ZNRF1: variants seen among roughly 807,000 people sequenced by gnomAD.
ZNRF1 encodes the protein E3 ubiquitin-protein ligase ZNRF1.
ZNRF1 carries 3 observed loss-of-function variants against 18.4 expected under a neutral mutation model. The ratio of observed to expected loss-of-function variants is 0.16; its 90% confidence interval spans 0.07 to 0.42. The LOEUF is 0.42. Ranked by LOEUF, ZNRF1 falls within the 10% of genes least tolerant of loss-of-function variation. The pLI is 0.99. For synonymous variants in ZNRF1, 157 were observed against 144.2 expected (o/e 1.09, Z -0.64); for missense variants, 310 against 329.8 (o/e 0.94, Z 0.47).
At chr16:75,093,760 G>A in intron 2 of ZNRF1, 93 bp downstream of exon 2, 1 of 1,018,234 alleles carries the variant, frequency 9.8e-7, no homozygotes, top group East Asian at 2.5e-5. Context: ...GTGGTTCTGG[G>A]CAGTATTTTC....
At chr16:75,096,604 C>T (rs867106932) in intron 2 of ZNRF1, among the ~76,000 whole-genome samples, 2 of 152,112 alleles carry the variant, frequency 1.3e-5, no homozygotes, top group African/African-American at 4.8e-5. Flanking sequence ...TATGAAGATT[C>T]ACTAGAACTC....
chr16:75,066,054 C>A (rs1412915966), intron 1 of ZNRF1, among the ~76,000 whole-genome samples: 1 of 152,208 alleles, frequency 6.6e-6, no homozygotes, highest in Non-Finnish European at 1.5e-5. Flanking sequence ...CAGAAGGCAT[C>A]TTTGCAGCTA....
intron 1 of ZNRF1, among the ~76,000 whole-genome samples, chr16:75,000,602 C>T (rs543943504): frequency 6.6e-6 from 1 of 152,304 alleles, no homozygotes; most frequent in African/African-American, 2.4e-5. Context: ...GTTTTGCCAC[C>T]CTGCTGGAGA....
chr16:75,095,894 A>G, intron 2 of ZNRF1: 1 of 763,940 alleles, frequency 1.3e-6, no homozygotes, highest in South Asian at 4.0e-5. Context: ...ACCCAAGACT[A>G]CAGAAACCAC....
rs142283044 is a variant in ZNRF1, at chr16:74,999,989, G to C, written c.318G>C (p.Thr106=). 1 of 1,585,632 alleles carries C rather than the reference G, an allele frequency of 6.3e-7. No individual in the cohort carries two copies. Among genetic ancestry groups the C allele is most frequent in the Non-Finnish European group, 8.6e-7 (1 of 1,167,052 alleles). ...TYAHGNGYQE[T]GGGHHRDGML... ...CCCATGGCAATGGTTACCAGGAGACGGGCGGCGGTCACCATAGAGACGGGA... is the reference window on the plus strand; with the variant it reads ...CCCATGGCAATGGTTACCAGGAGACCGGCGGCGGTCACCATAGAGACGGGA... Residue 106 remains threonine (T), a synonymous_variant, in exon 1 of 5, where the codon ACG becomes ACC. Transcript: ENST00000335325.
chr16:75,047,310 C>T (rs1232603802), intron 1 of ZNRF1, among the ~76,000 whole-genome samples: 1 of 152,122 alleles, frequency 6.6e-6, no homozygotes, highest in Non-Finnish European at 1.5e-5. Flanking sequence ...GTAGTTAGGA[C>T]TACAGGTGCA....
chr16:75,090,392 C>G (rs565112295), intron 1 of ZNRF1, among the ~76,000 whole-genome samples: 1 of 152,084 alleles, frequency 6.6e-6, no homozygotes, highest in Non-Finnish European at 1.5e-5. Flanking sequence ...TTGTTGTGTC[C>G]TTTTTGTGGA....
intron 2 of ZNRF1, among the ~76,000 whole-genome samples, chr16:75,095,921 C>G (rs2036192573): frequency 6.6e-6 from 1 of 152,184 alleles, no homozygotes; most frequent in Admixed American, 6.5e-5. Flanking sequence ...AGCCGGGCCC[C>G]CCTTAGAGGA....
At chr16:75,041,826 A>T (rs1179004756) in intron 1 of ZNRF1, among the ~76,000 whole-genome samples, 2 of 150,092 alleles carry the variant, frequency 1.3e-5, no homozygotes, top group East Asian at 2.0e-4. Flanking sequence ...CTACTAAAAA[A>T]AAAAATATAT....
chr16:75,094,953 C>T (rs2036180646), intron 2 of ZNRF1, among the ~76,000 whole-genome samples: 1 of 152,138 alleles, frequency 6.6e-6, no homozygotes, highest in Admixed American at 6.5e-5. Flanking sequence ...ATCACGCAAC[C>T]AGCCCAGCGA....
chr16:75,104,992 C>T (rs1426940202), intron 3 of ZNRF1, 103 bp downstream of exon 3: 4 of 961,330 alleles, frequency 4.2e-6, no homozygotes, highest in Non-Finnish European at 6.3e-6. Flanking sequence ...TGACCTCTCC[C>T]CCGACCTCTG....
chr16:75,042,496 A>C (rs984396905), intron 1 of ZNRF1, among the ~76,000 whole-genome samples: 1 of 131,656 alleles, frequency 7.6e-6, no homozygotes, highest in Non-Finnish European at 1.6e-5. Flanking sequence ...TAGCAACATC[A>C]TTTGTTGAAA....
At chr16:75,047,901 G>T (rs2035537016) in intron 1 of ZNRF1, among the ~76,000 whole-genome samples, 1 of 151,820 alleles carries the variant, frequency 6.6e-6, no homozygotes, top group East Asian at 1.9e-4. Flanking sequence ...GGTCTTCTCC[G>T]CTTCTCCGTG....
chr16:75,088,157 C>G (rs1403842652), intron 1 of ZNRF1, among the ~76,000 whole-genome samples: 1 of 152,160 alleles, frequency 6.6e-6, no homozygotes, highest in Non-Finnish European at 1.5e-5. Flanking sequence ...TCAGGTAGTT[C>G]ATAAATATCA....
At chr16:75,087,859 G>A (rs1421513760) in intron 1 of ZNRF1, among the ~76,000 whole-genome samples, 1 of 152,246 alleles carries the variant, frequency 6.6e-6, no homozygotes, top group Non-Finnish European at 1.5e-5. Context: ...GGCAGACACA[G>A]CCCATGTGCA....
chr16:75,104,151 G>C (rs2036286008), intron 2 of ZNRF1: 1 of 152,332 alleles, frequency 6.6e-6, no homozygotes. Flanking sequence ...CTTTTACTTT[G>C]TGTAGTATTT....
chr16:75,050,695 C>T (rs1193522435), intron 1 of ZNRF1, among the ~76,000 whole-genome samples: 1 of 150,974 alleles, frequency 6.6e-6, no homozygotes, highest in Non-Finnish European at 1.5e-5. Flanking sequence ...GGTGAAACAC[C>T]GTCTCTACTA....
chr16:75,103,010 G>C (rs1020193541), intron 2 of ZNRF1, among the ~76,000 whole-genome samples: 1 of 152,142 alleles, frequency 6.6e-6, no homozygotes, highest in African/African-American at 2.4e-5. Context: ...AACCTTCCCA[G>C]ATCAGCCCCC....
At chr16:75,076,694 C>T (rs961212122) in intron 1 of ZNRF1, among the ~76,000 whole-genome samples, 4 of 148,788 alleles carry the variant, frequency 2.7e-5, no homozygotes, top group African/African-American at 9.9e-5. Flanking sequence ...TGTTTTATCC[C>T]CCTCCTCCCC....
Sources: gnomAD v4.1 joint callset for allele counts (sites outside exome capture counted in the v4.1 genomes callset) on GRCh38, gnomAD v4.1.1 for gene constraint, MANE v1.5 for transcripts, NCBI Gene and HGNC (gene_info 2026-07-23, HGNC 2026-07-21) for gene names.